ANKFN1: variants seen among roughly 807,000 people sequenced by gnomAD.
The protein encoded by ANKFN1 is ankyrin repeat and fibronectin type III domain containing 1.
ANKFN1 carries 74 observed loss-of-function variants against 108.7 expected under a neutral mutation model. That is an observed-to-expected ratio of 0.68 (90% confidence interval 0.56 to 0.83). The LOEUF (loss-of-function observed/expected upper bound fraction) is 0.83. Ranked by LOEUF, ANKFN1 falls within the 40% of genes least tolerant of loss-of-function variation. The pLI is 0.00. For synonymous variants in ANKFN1, 547 were observed against 516.2 expected (o/e 1.06, Z -0.81); for missense variants, 1,505 against 1,382.3 (o/e 1.09, Z -1.41).
chr17:56,064,404 G>A (rs1002273360), intron 4 of ANKFN1, among the ~76,000 whole-genome samples: 1 of 152,326 alleles, frequency 6.6e-6, no homozygotes, highest in African/African-American at 2.4e-5. Context: ...AGGGACATCT[G>A]GGTTCTGTCC....
chr17:56,352,755 C>T (rs995765377), intron 5 of ANKFN1, among the ~76,000 whole-genome samples: 6 of 152,224 alleles, frequency 3.9e-5, no homozygotes, highest in African/African-American at 1.4e-4. Flanking sequence ...TTGGACTCCT[C>T]ATCTCAGGGC....
At chr17:56,075,353 A>G (rs1247009723) in intron 4 of ANKFN1, among the ~76,000 whole-genome samples, 2 of 152,112 alleles carry the variant, frequency 1.3e-5, no homozygotes, top group Admixed American at 1.3e-4. Context: ...TACCTTGCAT[A>G]CTAGTAATTG....
At chr17:56,363,923 A>T (rs2046590903) in intron 6 of ANKFN1, among the ~76,000 whole-genome samples, 2 of 152,124 alleles carry the variant, frequency 1.3e-5, no homozygotes, top group South Asian at 4.1e-4. Context: ...GTGGTTACAG[A>T]GTCAGGGGGT....
chr17:56,144,964 G>C (rs984416051), intron 4 of ANKFN1, among the ~76,000 whole-genome samples: 1 of 151,878 alleles, frequency 6.6e-6, no homozygotes, highest in African/African-American at 2.4e-5. Flanking sequence ...CCACAAGAGT[G>C]TTAGGTGATT....
chr17:56,320,127 T>TA (rs1240419910), intron 3 of ANKFN1, among the ~76,000 whole-genome samples: 1 of 152,172 alleles, frequency 6.6e-6, no homozygotes, highest in East Asian at 1.9e-4. Context: ...AATTCAGAGA[T>TA]ACCATTGCAT....
chr17:56,479,851 G>C (rs1437172342), intron 16 of ANKFN1, among the ~76,000 whole-genome samples: 1 of 152,218 alleles, frequency 6.6e-6, no homozygotes, highest in Non-Finnish European at 1.5e-5. Context: ...GTTCGAAGGA[G>C]AATCTGGGCC....
intron 3 of ANKFN1, among the ~76,000 whole-genome samples, chr17:56,253,632 G>A (rs2043287200): frequency 6.6e-6 from 1 of 152,150 alleles, no homozygotes; most frequent in Admixed American, 6.5e-5. Context: ...GGCTATTTAG[G>A]AGGCCAAGGC....
intron 4 of ANKFN1, among the ~76,000 whole-genome samples, chr17:56,055,981 G>A (rs2143092415): frequency 6.6e-6 from 1 of 151,906 alleles, no homozygotes; most frequent in South Asian, 2.1e-4. Context: ...TATTGATGTT[G>A]AGAATTTTTT....
At chr17:56,430,996 G>C (rs1365527107) in intron 8 of ANKFN1, among the ~76,000 whole-genome samples, 1 of 152,202 alleles carries the variant, frequency 6.6e-6, no homozygotes, top group Non-Finnish European at 1.5e-5. Flanking sequence ...GGAAGAAAGA[G>C]CATTTGCAGC....
chr17:56,276,960 T>C (rs1014217991), intron 3 of ANKFN1, among the ~76,000 whole-genome samples: 1 of 152,148 alleles, frequency 6.6e-6, no homozygotes, highest in Non-Finnish European at 1.5e-5. Flanking sequence ...CAAATTCCGT[T>C]TTGAGGTTTG....
intron 4 of ANKFN1, among the ~76,000 whole-genome samples, chr17:56,127,692 C>T (rs533512434): frequency 6.6e-6 from 1 of 152,320 alleles, no homozygotes; most frequent in East Asian, 1.9e-4. Context: ...CACTTAGTCT[C>T]AGACCCCCAC....
At chr17:56,490,642 G>A (rs1480526755) in intron 18 of ANKFN1, among the ~76,000 whole-genome samples, 1 of 152,074 alleles carries the variant, frequency 6.6e-6, no homozygotes, top group Non-Finnish European at 1.5e-5. Context: ...CGATCATTTG[G>A]GAGAAGCTCC....
At chr17:56,122,700 AAG>A (rs1384745460) in intron 4 of ANKFN1, among the ~76,000 whole-genome samples, 1 of 152,210 alleles carries the variant, frequency 6.6e-6, no homozygotes, top group Admixed American at 6.6e-5. Flanking sequence ...ATCAGAAAGA[AAG>A]AGAAAGAAAA....
In ANKFN1 at chr17:56,350,914, G is replaced by A. The variant is rs1438932878; in HGVS notation, c.337G>A (p.Glu113Lys). Residue 113 changes from glutamate (E) to lysine (K), a missense_variant, in exon 5 of 21, where the codon GAG (glutamate) becomes AAG (lysine). By Grantham distance (56) the Glu-to-Lys change is moderately conservative (BLOSUM62 1). Coordinates refer to ENST00000682825, the MANE Select transcript of ANKFN1 (RefSeq NM_001370326.1). The part of the protein sequence containing the change: ...KLKGSHSSFD[E>K]AYFRTRTDRL... The stretch of plus-strand genomic sequence containing the variant: ...GAAAGGGAGCCACTCTTCCTTCGAT[G>A]AGGCCTATTTTAGGACAAGAACTGA... The A allele has an allele frequency of 6.2e-7, 1 of 1,613,684 alleles. No individual in the cohort carries two copies. Among genetic ancestry groups the A allele is most frequent in the East Asian group, 2.2e-5 (1 of 44,852 alleles).
intron 4 of ANKFN1, among the ~76,000 whole-genome samples, chr17:56,140,920 T>G (rs998385434): frequency 6.6e-6 from 1 of 152,232 alleles, no homozygotes. Flanking sequence ...ACACATGGTC[T>G]GAAAGCTCAT....
chr17:56,411,129 T>C (rs1341882394), intron 8 of ANKFN1, among the ~76,000 whole-genome samples: 1 of 152,180 alleles, frequency 6.6e-6, no homozygotes, highest in African/African-American at 2.4e-5. Context: ...TTACAGTCTA[T>C]GAACATGGGA....
At chr17:56,269,050 A>G (rs1336473965) in intron 3 of ANKFN1, among the ~76,000 whole-genome samples, 1 of 152,180 alleles carries the variant, frequency 6.6e-6, no homozygotes, top group Non-Finnish European at 1.5e-5. Flanking sequence ...GGGGGTAGTT[A>G]TATGACCTGG....
At chr17:56,283,212 T>G (rs1421868442) in intron 3 of ANKFN1, among the ~76,000 whole-genome samples, 1 of 152,156 alleles carries the variant, frequency 6.6e-6, no homozygotes, top group East Asian at 1.9e-4. Context: ...TTTGGTTTTC[T>G]ATTCCTCCCT....
At chr17:56,269,938 T>C (rs1011185792) in intron 3 of ANKFN1, among the ~76,000 whole-genome samples, 1 of 152,194 alleles carries the variant, frequency 6.6e-6, no homozygotes, top group Non-Finnish European at 1.5e-5. Context: ...CAAAGAGACA[T>C]CCAACGCACA....
Sources: allele counts gnomAD v4.1 joint callset (sites outside exome capture counted in the v4.1 genomes callset), GRCh38; gene constraint gnomAD v4.1.1; transcripts MANE v1.5; gene names NCBI Gene and HGNC (gene_info 2026-07-23, HGNC 2026-07-21).